Variants in RPP30 observed in about 807,000 individuals in gnomAD.
The protein encoded by RPP30 is ribonuclease P/MRP subunit p30.
A neutral mutation model predicts 38.6 loss-of-function variants in RPP30; 36 were observed. That is an observed-to-expected ratio of 0.93 (90% CI 0.71 to 1.23). The LOEUF (loss-of-function observed/expected upper bound fraction) is 1.23, where lower values mean the gene tolerates loss of function less well. RPP30 is among the 50% of genes most tolerant of loss of function. The probability of loss-of-function intolerance (pLI) is 0.00; values close to 1 mark genes in which losing one functional copy is unlikely to be tolerated. For synonymous variants in RPP30, 126 were observed against 112.7 expected (o/e 1.12, Z -0.75); for missense variants, 321 against 321.7 (o/e 1.00, Z 0.02).
downstream of RPP30, among the ~76,000 whole-genome samples, chr10:90,904,950 G>T (rs1338146904): frequency 6.6e-6 from 1 of 152,016 alleles, no homozygotes; most frequent in Non-Finnish European, 1.5e-5. Context: ...GTAAATCCAG[G>T]TAGATTAAAG....
At chr10:90,881,229 A>G (rs1846923773) in intron 5 of RPP30, among the ~76,000 whole-genome samples, 2 of 152,240 alleles carry the variant, frequency 1.3e-5, no homozygotes. Context: ...TTTAACTTTT[A>G]CGACAATCCC....
intron 6 of RPP30, among the ~76,000 whole-genome samples, chr10:90,894,202 T>C (rs1385571247): frequency 6.6e-6 from 1 of 152,190 alleles, no homozygotes; most frequent in Non-Finnish European, 1.5e-5. Context: ...AAAGGTATTG[T>C]AGTAAGGATT....
intron 6 of RPP30, among the ~76,000 whole-genome samples, chr10:90,887,473 C>T (rs1228250653): frequency 6.6e-6 from 1 of 151,480 alleles, no homozygotes; most frequent in Non-Finnish European, 1.5e-5. Context: ...ACCTCCACCT[C>T]CCTGGTTCAA....
At chr10:90,894,268 T>C (rs1030499934) in intron 6 of RPP30, among the ~76,000 whole-genome samples, 2 of 152,240 alleles carry the variant, frequency 1.3e-5, no homozygotes, top group Non-Finnish European at 2.9e-5. Context: ...TAACTATGGC[T>C]GTTATTCTCT....
intron 10 of RPP30, among the ~76,000 whole-genome samples, chr10:90,900,095 A>T (rs1847183636): frequency 6.6e-6 from 1 of 152,194 alleles, no homozygotes; most frequent in African/African-American, 2.4e-5. Flanking sequence ...GCCATTGTTG[A>T]GTGTTGGCAA....
At chr10:90,876,290 T>C (rs572012444) in intron 4 of RPP30, among the ~76,000 whole-genome samples, 192 bp downstream of exon 4, 1 of 152,304 alleles carries the variant, frequency 6.6e-6, no homozygotes, top group African/African-American at 2.4e-5. Context: ...ATGGCACATG[T>C]GTAGTGATAC....
At chr10:90,897,191 C>G (rs1314562623) in intron 10 of RPP30, among the ~76,000 whole-genome samples, 1 of 152,176 alleles carries the variant, frequency 6.6e-6, no homozygotes, top group Non-Finnish European at 1.5e-5. Context: ...ACAATTTAAG[C>G]TTTTGATCAC....
At chr10:90,876,673 A>G (rs542441829) in intron 4 of RPP30, among the ~76,000 whole-genome samples, 1 of 152,320 alleles carries the variant, frequency 6.6e-6, no homozygotes, top group South Asian at 2.1e-4. Flanking sequence ...AAGTGAAACA[A>G]AACAATAGGG....
chr10:90,885,516 G>A (rs575029531), intron 5 of RPP30, among the ~76,000 whole-genome samples: 11 of 152,248 alleles, frequency 7.2e-5, no homozygotes, highest in African/African-American at 9.6e-5. Context: ...ACTGAGCCTC[G>A]CTCTGCAACC....
At chr10:90,902,350 TG>T, downstream of RPP30, 1 of 387,686 alleles carries the variant, frequency 2.6e-6, no homozygotes, top group South Asian at 1.8e-5. Context: ...CCCAAGTAAG[TG>T]GGACCAGAAG....
chr10:90,879,303 G>T lies in RPP30; in HGVS notation c.342+169G>T, dbSNP rs377053803. ...AGGGTATATATAACTGGTATTTGTG[G>T]TTTTTTTGTTTTGTTTTGTTTTTTT... On this transcript the variant is annotated intron_variant, in intron 5 of 10. Coordinates refer to ENST00000371703, the MANE Select transcript of RPP30 (RefSeq NM_006413.5). 2.0e-3 allele frequency among the ~76,000 whole-genome samples: 303 copies of T among 152,112 alleles called. 2 individuals carry two copies. Among genetic ancestry groups the T allele is most frequent in the African/African-American group, 6.2e-3 (259 of 41,496 alleles).
At chr10:90,879,295 T>C (rs900024231) in intron 5 of RPP30, among the ~76,000 whole-genome samples, 161 bp downstream of exon 5, 3 of 152,206 alleles carry the variant, frequency 2.0e-5, no homozygotes, top group Non-Finnish European at 4.4e-5. Flanking sequence ...ATATAACTGG[T>C]ATTTGTGGTT....
At chr10:90,902,684 A>T (rs1189433899), downstream of RPP30, among the ~76,000 whole-genome samples, 1 of 152,260 alleles carries the variant, frequency 6.6e-6, no homozygotes, top group African/African-American at 2.4e-5. Flanking sequence ...AAATTAAAGT[A>T]GAATAATATT....
At chr10:90,903,160 C>G, downstream of RPP30, 1 of 1,215,914 alleles carries the variant, frequency 8.2e-7, no homozygotes, top group Admixed American at 1.7e-5. Context: ...TGGATTGCTT[C>G]ACTAATGTCA....
rs1488179352 is a variant in RPP30, at chr10:90,872,091, C to T, written c.82+23C>T. 4 of 1,602,312 alleles carry T rather than the reference C, an allele frequency of 2.5e-6. No homozygotes were observed. The East Asian group carries it at 6.7e-5, about 27-fold the overall frequency. On this transcript the variant is annotated intron_variant, in intron 1 of 10. Coordinates refer to ENST00000371703, the MANE Select transcript of RPP30 (RefSeq NM_006413.5). ...ACCGTGAGTTGCCCCGGCTTCGCGCCTGGCCAACCTCATGCCACCCAGACC... is the reference window on the plus strand; with the variant it reads ...ACCGTGAGTTGCCCCGGCTTCGCGCTTGGCCAACCTCATGCCACCCAGACC...
intron 7 of RPP30, 97 bp from the exon 8 acceptor site, chr10:90,895,357 C>G: frequency 1.4e-6 from 1 of 696,470 alleles, no homozygotes. Context: ...GGTATTTGAG[C>G]CTTAAATGTT....
chr10:90,892,671 C>T (rs1207673183), intron 6 of RPP30, among the ~76,000 whole-genome samples: 3 of 152,178 alleles, frequency 2.0e-5, no homozygotes, highest in Admixed American at 6.5e-5. Flanking sequence ...CGTTCCACAA[C>T]TAGAAGGATA....
chr10:90,903,564 G>C (rs537873325), downstream of RPP30, among the ~76,000 whole-genome samples: 1 of 152,174 alleles, frequency 6.6e-6, no homozygotes, highest in Non-Finnish European at 1.5e-5. Context: ...GCAGTTGTGC[G>C]TGCTTTCTAT....
rs62622025 is a variant in RPP30 at position 90,894,774 on chromosome 10, G to A, written c.433-1G>A. On this transcript the variant is annotated splice_acceptor_variant, in intron 6 of 10. Coordinates refer to ENST00000371703, the MANE Select transcript of RPP30 (RefSeq NM_006413.5). LOFTEE classifies it high-confidence loss of function. ...GACAGTTCTCTTTATTTCCTGTGAA[G>A]GCGATTGACCGAGGCCTGGCTTTTG... 2 of 1,607,282 alleles carry A rather than the reference G, an allele frequency of 1.2e-6. No homozygotes were observed. Among genetic ancestry groups the A allele is most frequent in the African/African-American group, 2.7e-5 (2 of 74,670 alleles).
Sources: gnomAD v4.1 joint callset for allele counts (sites outside exome capture counted in the v4.1 genomes callset) on GRCh38, gnomAD v4.1.1 for gene constraint, MANE v1.5 for transcripts, NCBI Gene and HGNC (gene_info 2026-07-23, HGNC 2026-07-21) for gene names.